The following PLXNA2 variants were observed in gnomAD, a reference collection of about 807,000 sequenced individuals.
PLXNA2 encodes the protein plexin A2, also known as plexin-A2.
Under a neutral mutation model 193.5 loss-of-function variants are expected in PLXNA2, and 91 were observed. The observed-to-expected ratio is 0.47, with a 90% CI of 0.40 to 0.56. PLXNA2 has a LOEUF of 0.56. Ranked by LOEUF, PLXNA2 falls within the 20% of genes least tolerant of loss-of-function variation. The pLI is 0.00. For missense variants in PLXNA2, 1,995 were observed against 2,503.2 expected, an observed-to-expected ratio of 0.80 and a Z score of 4.33; for synonymous variants, 997 against 1,027.3, an observed-to-expected ratio of 0.97 and a Z score of 0.56.
Position 208,045,908 on chromosome 1 carries a change from A to G in PLXNA2, c.3465T>C (p.Asp1155=), listed in dbSNP as rs1381346211. 7 of 1,614,128 alleles carry G rather than the reference A, an allele frequency of 4.3e-6. No homozygotes were observed. In the African/African-American group the frequency reaches 9.3e-5, roughly 22 times the overall value. Residue 1155 remains aspartate, a synonymous_variant, in exon 18 of 32, where the codon GAT becomes GAC. Transcript: ENST00000367033. The stretch of plus-strand genomic sequence containing the variant: ...GAATGATGGGCGATCCTGGCTTTTG[A>G]TCCAAGACTCCAGTAGGGCTAAGCA... The part of the protein sequence containing the change: ...FELLSPTGVL[D]QKPGSPIILK...
chr1:208,238,002 G>A (rs1466906745), intron 1 of PLXNA2, among the ~76,000 whole-genome samples: 1 of 152,188 alleles, frequency 6.6e-6, no homozygotes, highest in Admixed American at 6.5e-5. Flanking sequence ...ATTTGGTTCA[G>A]TGCAAAGGGT....
At chr1:208,185,138 C>T (rs1282430828) in intron 3 of PLXNA2, among the ~76,000 whole-genome samples, 1 of 152,214 alleles carries the variant, frequency 6.6e-6, no homozygotes, top group Non-Finnish European at 1.5e-5. Flanking sequence ...AGATTTCCTT[C>T]TAAGGTGTCT....
chr1:208,072,500 C>T (rs1666006875), intron 12 of PLXNA2, among the ~76,000 whole-genome samples: 1 of 152,178 alleles, frequency 6.6e-6, no homozygotes, highest in African/African-American at 2.4e-5. Flanking sequence ...TGTGAACTAC[C>T]TGGGCCCCAT....
At chr1:208,189,929 G>A (rs2102562350) in intron 3 of PLXNA2, among the ~76,000 whole-genome samples, 1 of 152,262 alleles carries the variant, frequency 6.6e-6, no homozygotes, top group African/African-American at 2.4e-5. Context: ...CATTTCAGGA[G>A]CAGGAGAAAT....
At position 208,098,956 on chromosome 1, in the gene PLXNA2, C is replaced by A. The variant is rs967455618; in HGVS notation, c.1621G>T (p.Asp541Tyr). Residue 541 changes from aspartate (D) to tyrosine (Y), a missense_variant, in exon 6 of 32, where the codon GAC (aspartate) becomes TAC (tyrosine). Asp to Tyr is a radical substitution (Grantham distance 160). This residue lies in a region of PLXNA2 where 702 missense variants were observed against 812.9 expected (regional missense o/e 0.86). Transcript: ENST00000367033. Reference protein sequence around the residue: ...CALHNMCSRRDKCQQAWEPNR... With the variant: ...CALHNMCSRRYKCQQAWEPNR... ...GGTTCCCAGGCCTGTTGGCATTTGT[C>A]CCTGCGGGAGCACCTGCCATAAACA... 8.7e-6 allele frequency: 14 copies of A among 1,612,252 alleles called. No individual in the cohort carries two copies. The highest frequency in any genetic ancestry group is 1.3e-5 in the African/African-American group (1 of 74,910).
At chr1:208,180,988 C>T (rs1027883961) in intron 3 of PLXNA2, among the ~76,000 whole-genome samples, 1 of 152,224 alleles carries the variant, frequency 6.6e-6, no homozygotes, top group African/African-American at 2.4e-5. Context: ...CAAACTCCAG[C>T]CTTCCAAGCC....
chr1:208,148,245 T>A (rs547419101), intron 3 of PLXNA2, among the ~76,000 whole-genome samples: 3 of 152,250 alleles, frequency 2.0e-5, no homozygotes, highest in African/African-American at 7.2e-5. Context: ...TATCACATTA[T>A]TATTAGTAGT....
chr1:208,060,752 G>A lies in PLXNA2; in HGVS notation c.2672C>T (p.Ala891Val). ...CACCCCAGCCACCTGCACATGGTGG[G>A]CGATCTCGGAGAAGTCCAGACCCAG... ...VNLGLDFSEIAHHVQVAGVPC... is the reference protein window; with the variant it reads ...VNLGLDFSEIVHHVQVAGVPC... The change falls in exon 13 of 32, where the codon GCC (alanine) becomes GTC (valine). Residue 891 changes from alanine to valine, a missense_variant. Ala to Val is a moderately conservative substitution (Grantham distance 64, BLOSUM62 0). Coordinates refer to ENST00000367033, the MANE Select transcript of PLXNA2 (RefSeq NM_025179.4). 6.2e-7 allele frequency: 1 copy of A among 1,614,040 alleles called. No individual in the cohort carries two copies. The highest frequency in any genetic ancestry group is 8.5e-7 in the Non-Finnish European group (1 of 1,179,930).
rs751442167 is a variant in PLXNA2 at position 208,028,784 on chromosome 1, G to T, written c.5438+46C>A. ...CAGTGATGACTATAGAGCGGGGAAT[G>T]GGCAGGGAGACAAGGGCATGGGCCT... is the stretch of plus-strand genomic sequence containing the variant. On this transcript the variant is annotated intron_variant, in intron 30 of 31. Transcript: ENST00000367033. This position sits in a 1 kb window ranked among gnomAD's most constrained non-coding sequence, Gnocchi z 4.2. 3 of 1,546,352 alleles carry T rather than the reference G, an allele frequency of 1.9e-6. No homozygotes were observed. Among genetic ancestry groups the T allele is most frequent in the Non-Finnish European group, 2.7e-6 (3 of 1,125,800 alleles).
intron 3 of PLXNA2, among the ~76,000 whole-genome samples, chr1:208,192,118 T>C (rs1300600593): frequency 6.6e-6 from 1 of 152,190 alleles, no homozygotes; most frequent in East Asian, 1.9e-4. Context: ...CTGCCTGATT[T>C]GGTGTCACAA....
chr1:208,171,317 T>C (rs1669489218), intron 3 of PLXNA2, among the ~76,000 whole-genome samples: 1 of 152,228 alleles, frequency 6.6e-6, no homozygotes, highest in Admixed American at 6.5e-5. Context: ...ATGATAATAA[T>C]AACAGTTAAC....
chr1:208,075,244 G>C (rs904216211), intron 12 of PLXNA2, among the ~76,000 whole-genome samples: 2 of 151,990 alleles, frequency 1.3e-5, no homozygotes, highest in Non-Finnish European at 2.9e-5. Flanking sequence ...CCGGAGGCGG[G>C]GGTTGTAGTG....
chr1:208,227,016 C>A (rs892770831), intron 1 of PLXNA2, among the ~76,000 whole-genome samples: 29 of 152,218 alleles, frequency 1.9e-4, no homozygotes, highest in African/African-American at 6.5e-4. Flanking sequence ...TCTAACAGGA[C>A]CCTATTTAAA....
rs182235314 is a variant in PLXNA2 at position 208,109,705 on chromosome 1, G to A, written c.1507-6458C>T. Among the ~76,000 whole-genome samples the A allele has an allele frequency of 4.3e-3, 657 of 152,310 alleles. 5 individuals are homozygous for A. Among genetic ancestry groups the A allele is most frequent in the African/African-American group, 0.013 (560 of 41,566 alleles). The stretch of plus-strand genomic sequence containing the variant: ...GGCCAACTGGAGGAGAATCCTCCAC[G>A]GCCCATGATGGGACTGACTGTTCGC... On this transcript the variant is annotated intron_variant, in intron 4 of 31. Transcript: ENST00000367033.
At chr1:208,075,528 T>C (rs1053166329) in intron 12 of PLXNA2, among the ~76,000 whole-genome samples, 4 of 152,208 alleles carry the variant, frequency 2.6e-5, no homozygotes, top group Non-Finnish European at 5.9e-5. Flanking sequence ...CAGTCACTAT[T>C]GTTCTTGTCA....
chr1:208,242,420 A>C (rs950830895), intron 1 of PLXNA2, among the ~76,000 whole-genome samples: 2 of 152,036 alleles, frequency 1.3e-5, no homozygotes, highest in Non-Finnish European at 2.9e-5. Flanking sequence ...TGTGCCCCCA[A>C]ATTTCTGTGG....
chr1:208,072,917 C>T lies in PLXNA2; in HGVS notation c.2586+6343G>A, dbSNP rs1666020099. Among the ~76,000 whole-genome samples the T allele has an allele frequency of 2.0e-5, 3 of 152,140 alleles. No individual in the cohort carries two copies. The South Asian group carries it at 6.2e-4, about 31-fold the overall frequency. Reference sequence around the variant, plus strand: ...CCTGCACGCAGAGACATTTTAGGTACTCTTGGGGTGGGATGAGGTGGGGAA... The same window carrying T: ...CCTGCACGCAGAGACATTTTAGGTATTCTTGGGGTGGGATGAGGTGGGGAA... On this transcript the variant is annotated intron_variant, in intron 12 of 31. Coordinates refer to ENST00000367033, the MANE Select transcript of PLXNA2 (RefSeq NM_025179.4).
Position 208,028,979 on chromosome 1 carries a change from C to G in PLXNA2, c.5289G>C (p.Lys1763Asn), listed in dbSNP as rs1233689310. The G allele has an allele frequency of 1.9e-6, 3 of 1,613,942 alleles. No individual in the cohort carries two copies. In the East Asian group the frequency reaches 6.7e-5, roughly 36 times the overall value. Residue 1763 changes from lysine to asparagine, a missense_variant, in exon 30 of 32, where the codon AAG (lysine) becomes AAC (asparagine). Around this residue, in one of 3 missense-constraint regions of PLXNA2, gnomAD observed 1,291 missense variants for 1,673.6 expected, o/e 0.77. Coordinates refer to ENST00000367033, the MANE Select transcript of PLXNA2 (RefSeq NM_025179.4). This position sits in a 1 kb window ranked among gnomAD's most constrained non-coding sequence, Gnocchi z 4.2. ...KNPQFVFDIHKGSITDACLSV... is the reference protein window; with the variant it reads ...KNPQFVFDIHNGSITDACLSV... ...AGAGGCAGGCGTCCGTGATGCTGCCCTTGTGGATGTCAAACACGAACTGGG... is the reference window on the plus strand; with the variant it reads ...AGAGGCAGGCGTCCGTGATGCTGCCGTTGTGGATGTCAAACACGAACTGGG...
At chr1:208,141,876 T>C (rs1225352553) in intron 4 of PLXNA2, among the ~76,000 whole-genome samples, 1 of 152,244 alleles carries the variant, frequency 6.6e-6, no homozygotes, top group Non-Finnish European at 1.5e-5. Context: ...GCTTATACTC[T>C]GCACCAGTCT....
Sources: gnomAD v4.1 joint callset for allele counts (sites outside exome capture counted in the v4.1 genomes callset) on GRCh38, gnomAD v4.1.1 for gene constraint, gnomAD v4.1.1 regional missense constraint, Gnocchi (gnomAD v3.1) non-coding constraint, MANE v1.5 for transcripts, NCBI Gene and HGNC (gene_info 2026-07-23, HGNC 2026-07-21) for gene names.